The following NUP93 variants were observed in gnomAD, a reference collection of about 807,000 sequenced individuals.
NUP93 encodes nuclear pore complex protein Nup93.
A neutral mutation model predicts 107.8 loss-of-function variants in NUP93; 55 were observed. That is an observed-to-expected ratio of 0.51 (90% CI 0.41 to 0.64). NUP93 has a LOEUF of 0.64. Ranked by LOEUF, NUP93 falls within the 30% of genes least tolerant of loss-of-function variation. The pLI, the probability that NUP93 is intolerant of heterozygous loss-of-function variation, is 0.00. For missense variants in NUP93, 937 were observed against 1,044.7 expected, an observed-to-expected ratio of 0.90 and a Z score of 1.42; for synonymous variants, 390 against 397.5, an observed-to-expected ratio of 0.98 and a Z score of 0.22.
chr16:56,808,689 TTATAAATATATAAAAATACATA>T (rs1338226635), intron 5 of NUP93, among the ~76,000 whole-genome samples: 1 of 129,836 alleles, frequency 7.7e-6, no homozygotes, highest in Non-Finnish European at 1.6e-5. Context: ...ATACATATAT[TTATAAATATATAAAAATACATA>T]TATAAATATA....
rs1171874538 is a variant in NUP93 at position 56,815,928 on chromosome 16, GCTACCACTACTACTACTA to G, written c.490-2718_490-2701del. Among the ~76,000 whole-genome samples the G allele has an allele frequency of 2.6e-5, 4 of 151,778 alleles. No homozygotes were observed. The East Asian group carries it at 7.7e-4, about 29-fold the overall frequency. On this transcript the variant is annotated intron_variant, in intron 5 of 21. Coordinates refer to ENST00000308159, the MANE Select transcript of NUP93 (RefSeq NM_014669.5). ...TGCTGCTGCTGCTGGTGCTGCTGCT[GCTACCACTACTACTACTA>G]CTACCACTACTACTACTCTCTACTG...
intron 3 of NUP93, among the ~76,000 whole-genome samples, chr16:56,784,131 G>A (rs986444652): frequency 6.6e-6 from 1 of 152,076 alleles, no homozygotes; most frequent in African/African-American, 2.4e-5. Context: ...GTATGAATTT[G>A]TCACTAGTCA....
chr16:56,833,888 T>G (rs1013833135), intron 13 of NUP93, among the ~76,000 whole-genome samples: 4 of 152,204 alleles, frequency 2.6e-5, no homozygotes, highest in South Asian at 2.1e-4. Flanking sequence ...GGATTATGTT[T>G]TCACTCAAAG....
intron 5 of NUP93, among the ~76,000 whole-genome samples, chr16:56,816,441 G>A (rs528348549): frequency 1.2e-4 from 19 of 152,138 alleles, no homozygotes; most frequent in African/African-American, 1.4e-4. Context: ...CTGCAGTGCC[G>A]TCAGGGACCC....
chr16:56,774,802 C>CA, intron 3 of NUP93, among the ~76,000 whole-genome samples: 1 of 152,170 alleles, frequency 6.6e-6, no homozygotes, highest in Non-Finnish European at 1.5e-5. Context: ...ACTCTAGCTT[C>CA]AGTATGCTTT....
At chr16:56,770,623 A>G (rs1962302439) in intron 3 of NUP93, among the ~76,000 whole-genome samples, 1 of 152,178 alleles carries the variant, frequency 6.6e-6, no homozygotes, top group South Asian at 2.1e-4. Context: ...TGAAGTTGTT[A>G]GAACAGATAC....
chr16:56,735,264 A>AT (rs1174719296), intron 1 of NUP93, among the ~76,000 whole-genome samples: 1 of 152,196 alleles, frequency 6.6e-6, no homozygotes, highest in Non-Finnish European at 1.5e-5. Flanking sequence ...CATTTCACAG[A>AT]TGAGGCCCAG....
intron 1 of NUP93, among the ~76,000 whole-genome samples, chr16:56,730,728 A>T (rs1248000615): frequency 6.6e-5 from 10 of 152,120 alleles, no homozygotes; most frequent in Admixed American, 3.3e-4. Context: ...GATGCTGGTG[A>T]TTGGAACCCA....
chr16:56,808,007 A>G (rs1963181689), intron 5 of NUP93, among the ~76,000 whole-genome samples: 1 of 148,882 alleles, frequency 6.7e-6, no homozygotes, highest in East Asian at 1.9e-4. Flanking sequence ...TGGTGACAAA[A>G]GGCAACTCCG....
In NUP93 at chr16:56,850,022, C is replaced by T. The variant is rs1162183460; in HGVS notation, c.*5413C>T. 1 of 152,236 alleles carries T rather than the reference C, an allele frequency of 6.6e-6. No individual in the cohort carries two copies. Among genetic ancestry groups the T allele is most frequent in the Non-Finnish European group, 1.5e-5 (1 of 68,044 alleles). 9.4% of individuals were successfully genotyped at this position (152,236 alleles called of 1,614,324 possible). Reference sequence around the variant, plus strand: ...GGAAAGAGCCAAAGTACAGCCTTTTCTCACTTGATCAGTAACTTGTGTTAG... The same window carrying T: ...GGAAAGAGCCAAAGTACAGCCTTTTTTCACTTGATCAGTAACTTGTGTTAG... On this transcript the variant is annotated 3_prime_UTR_variant, in exon 22 of 22. Coordinates refer to ENST00000308159, the MANE Select transcript of NUP93 (RefSeq NM_014669.5).
chr16:56,747,303 T>C (rs1393847257), intron 1 of NUP93, among the ~76,000 whole-genome samples: 1 of 152,230 alleles, frequency 6.6e-6, no homozygotes, highest in Non-Finnish European at 1.5e-5. Flanking sequence ...CCCAATTTTC[T>C]TACCATGGTG....
At chr16:56,765,665 A>T (rs1316336646) in intron 3 of NUP93, among the ~76,000 whole-genome samples, 1 of 152,202 alleles carries the variant, frequency 6.6e-6, no homozygotes, top group African/African-American at 2.4e-5. Flanking sequence ...ATATGAACAC[A>T]GTGGTGTCTA....
At chr16:56,758,488 A>G (rs1409561635) in intron 2 of NUP93, 50 bp from the exon 3 acceptor site, 2 of 1,369,470 alleles carry the variant, frequency 1.5e-6, no homozygotes, top group Non-Finnish European at 2.1e-6. Context: ...CCTAATCCTA[A>G]TCCTAATTTT....
intron 8 of NUP93, among the ~76,000 whole-genome samples, chr16:56,825,330 G>A (rs1312938028): frequency 6.7e-6 from 1 of 148,898 alleles, no homozygotes; most frequent in African/African-American, 2.5e-5. Flanking sequence ...TCCTGCCTCA[G>A]CCTCCTGAAT....
intron 3 of NUP93, among the ~76,000 whole-genome samples, chr16:56,784,399 T>C (rs781673218): frequency 1.3e-5 from 2 of 152,232 alleles, no homozygotes; most frequent in Non-Finnish European, 2.9e-5. Context: ...CAAAGATCAA[T>C]AGATTGAGGC....
At chr16:56,759,324 A>AT (rs1326060222) in intron 3 of NUP93, among the ~76,000 whole-genome samples, 1 of 152,300 alleles carries the variant, frequency 6.6e-6, no homozygotes, top group East Asian at 1.9e-4. Context: ...GCACCATTTT[A>AT]TTTTTTTATC....
chr16:56,767,175 A>C (rs1962230676), intron 3 of NUP93, among the ~76,000 whole-genome samples: 1 of 152,168 alleles, frequency 6.6e-6, no homozygotes, highest in South Asian at 2.1e-4. Flanking sequence ...CACTTTAATT[A>C]TCCTGGAGGA....
At chr16:56,804,243 C>T (rs1284721377) in intron 4 of NUP93, among the ~76,000 whole-genome samples, 5 of 152,110 alleles carry the variant, frequency 3.3e-5, no homozygotes, top group East Asian at 3.9e-4. Flanking sequence ...GAATTGAAAG[C>T]AGGGATATTT....
At chr16:56,827,066 A>AAAAAAAAAAAAT (rs1469520713) in intron 8 of NUP93, among the ~76,000 whole-genome samples, 4 of 143,022 alleles carry the variant, frequency 2.8e-5, no homozygotes, top group Admixed American at 7.9e-5. Context: ...AAAAAAAAAA[A>AAAAAAAAAAAAT]AAATTTTGTT....
Sources: gnomAD v4.1 joint callset for allele counts (sites outside exome capture counted in the v4.1 genomes callset) on GRCh38, gnomAD v4.1.1 for gene constraint, MANE v1.5 for transcripts, NCBI Gene and HGNC (gene_info 2026-07-23, HGNC 2026-07-21) for gene names.